Variants in COMMD10 observed in about 807,000 individuals in gnomAD.
COMMD10 encodes COMM domain-containing protein 10.
Under a neutral mutation model 28.9 loss-of-function variants are expected in COMMD10, and 33 were observed. The ratio of observed to expected loss-of-function variants is 1.14; its 90% confidence interval spans 0.87 to 1.53. The LOEUF (loss-of-function observed/expected upper bound fraction) is 1.53. Among genes scored for constraint, COMMD10 ranks in the 40% most tolerant of loss-of-function variants. COMMD10 has a pLI of 0.00. For synonymous variants in COMMD10, 110 were observed against 81.7 expected, an observed-to-expected ratio of 1.35 and a Z score of -1.87; for missense variants, 310 against 233.4, an observed-to-expected ratio of 1.33 and a Z score of -2.14.
intron 5 of COMMD10, among the ~76,000 whole-genome samples, chr5:116,202,426 G>A (rs951956519): frequency 1.4e-4 from 22 of 152,048 alleles, no homozygotes; most frequent in Admixed American, 4.6e-4. Flanking sequence ...GGGTCAAATG[G>A]TATTTCTAGT....
At chr5:116,175,799 T>C (rs573175435) in intron 5 of COMMD10, among the ~76,000 whole-genome samples, 3 of 152,252 alleles carry the variant, frequency 2.0e-5, no homozygotes, top group African/African-American at 7.2e-5. Context: ...TATGATTTTA[T>C]TTTATGAGGT....
chr5:116,234,738 A>T (rs1189440708), intron 5 of COMMD10, among the ~76,000 whole-genome samples: 1 of 152,212 alleles, frequency 6.6e-6, no homozygotes, highest in Non-Finnish European at 1.5e-5. Flanking sequence ...CGTTCTAAAA[A>T]CATCCAATTG....
chr5:116,235,962 T>G (rs952085274), intron 5 of COMMD10, among the ~76,000 whole-genome samples: 4 of 152,178 alleles, frequency 2.6e-5, no homozygotes, highest in African/African-American at 9.6e-5. Flanking sequence ...ATACATACAT[T>G]ATTTGTGCCC....
intron 1 of COMMD10, among the ~76,000 whole-genome samples, chr5:116,087,204 C>T (rs1174460301): frequency 1.1e-4 from 16 of 152,162 alleles, no homozygotes; most frequent in Non-Finnish European, 5.9e-5. Flanking sequence ...AAACGCTCTA[C>T]TAAATTAAGG....
intron 1 of COMMD10, 46 bp downstream of exon 1, chr5:116,085,139 CCAGA>C: frequency 6.3e-7 from 1 of 1,585,570 alleles, no homozygotes; most frequent in East Asian, 2.3e-5. Flanking sequence ...CCAGGAAGGC[CCAGA>C]TCGGGCTCGC....
At chr5:116,177,778 C>T (rs1183694007) in intron 5 of COMMD10, among the ~76,000 whole-genome samples, 2 of 152,142 alleles carry the variant, frequency 1.3e-5, no homozygotes, top group Non-Finnish European at 2.9e-5. Context: ...AAACCTTTCT[C>T]AGTACTAAGT....
intron 4 of COMMD10, among the ~76,000 whole-genome samples, chr5:116,124,843 T>G (rs1321888761): frequency 6.6e-6 from 1 of 152,186 alleles, no homozygotes; most frequent in Non-Finnish European, 1.5e-5. Context: ...TTGTCTCTTT[T>G]GATCTTTGTT....
intron 5 of COMMD10, among the ~76,000 whole-genome samples, chr5:116,157,081 T>C (rs894312308): frequency 6.6e-6 from 1 of 152,160 alleles, no homozygotes; most frequent in African/African-American, 2.4e-5. Flanking sequence ...TTGCCGATTT[T>C]TTGTTGCTAC....
chr5:116,272,514 A>C (rs1323524183), intron 5 of COMMD10, among the ~76,000 whole-genome samples: 1 of 151,846 alleles, frequency 6.6e-6, no homozygotes, highest in Admixed American at 6.6e-5. Context: ...TCAGTAGGCA[A>C]AATGACTTGA....
intron 5 of COMMD10, among the ~76,000 whole-genome samples, chr5:116,265,871 A>AT (rs1750570217): frequency 6.6e-6 from 1 of 151,812 alleles, no homozygotes; most frequent in African/African-American, 2.4e-5. Context: ...GTGCTATACT[A>AT]AAATGAAGAC....
At position 116,199,966 on chromosome 5, in the gene COMMD10, ACT is replaced by A. The variant is rs558072950; in HGVS notation, c.510+65791_510+65792del. On this transcript the variant is annotated intron_variant, in intron 5 of 6. Coordinates refer to ENST00000274458, the MANE Select transcript of COMMD10 (RefSeq NM_016144.4). The stretch of plus-strand genomic sequence containing the variant: ...TCCTCAACACTAAATATTTTACTCT[ACT>A]CTTTTTGTATTTTCAATTTTTGTGG... Among the ~76,000 whole-genome samples, 731 of 151,656 alleles carry A rather than the reference ACT, an allele frequency of 4.8e-3. 11 individuals are homozygous for A. Among genetic ancestry groups the A allele is most frequent in the Non-Finnish European group, 7.3e-3 (497 of 67,912 alleles).
chr5:116,183,582 C>T (rs142227344), intron 5 of COMMD10, among the ~76,000 whole-genome samples: 1 of 151,964 alleles, frequency 6.6e-6, no homozygotes, highest in African/African-American at 2.4e-5. Context: ...AAACTTGTAA[C>T]TTTCTTTGTG....
intron 5 of COMMD10, among the ~76,000 whole-genome samples, chr5:116,221,938 C>T (rs1357661398): frequency 6.6e-6 from 1 of 152,078 alleles, no homozygotes; most frequent in East Asian, 1.9e-4. Context: ...AAAAATCAAG[C>T]CTGTTTTAGC....
At chr5:116,279,370 T>C (rs1396274911) in intron 5 of COMMD10, among the ~76,000 whole-genome samples, 1 of 151,948 alleles carries the variant, frequency 6.6e-6, no homozygotes, top group Non-Finnish European at 1.5e-5. Context: ...GATTTAACAC[T>C]GGGAAAATGC....
rs557106046 is a variant in COMMD10 at position 116,203,497 on chromosome 5, C to T, written c.510+69319C>T. Among the ~76,000 whole-genome samples the T allele has an allele frequency of 2.8e-4, 42 of 152,058 alleles. No individual in the cohort carries two copies. The East Asian group carries it at 7.2e-3, about 26-fold the overall frequency. On this transcript the variant is annotated intron_variant, in intron 5 of 6. Transcript: ENST00000274458. ...GTTAAGGGCAGCCAGAGAGAAAGGTCGGGTTACCCACAAAGGGAAGCCCAT... is the reference window on the plus strand; with the variant it reads ...GTTAAGGGCAGCCAGAGAGAAAGGTTGGGTTACCCACAAAGGGAAGCCCAT...
rs375138835 is a variant in COMMD10, at chr5:116,134,872, C to T, written c.510+694C>T. ...CCCTGACCTTGTGATCCACCCCCCT[C>T]AGCCTCCCAAAGTGCTGGGATTACA... On this transcript the variant is annotated intron_variant, in intron 5 of 6. Transcript: ENST00000274458. Among the ~76,000 whole-genome samples the T allele has an allele frequency of 1.9e-3, 290 of 152,294 alleles. 3 individuals carry two copies. The highest frequency in any genetic ancestry group is 6.6e-3 in the African/African-American group (274 of 41,548).
intron 5 of COMMD10, among the ~76,000 whole-genome samples, chr5:116,257,983 T>C (rs2112682228): frequency 6.6e-6 from 1 of 151,834 alleles, no homozygotes; most frequent in Admixed American, 6.6e-5. Context: ...CTATAATCAT[T>C]TTTGTCCAAT....
At chr5:116,253,990 T>A (rs1280349098) in intron 5 of COMMD10, among the ~76,000 whole-genome samples, 2 of 152,092 alleles carry the variant, frequency 1.3e-5, no homozygotes, top group South Asian at 2.1e-4. Flanking sequence ...TTATTGGTCT[T>A]TTCAGAGATT....
intron 4 of COMMD10, among the ~76,000 whole-genome samples, chr5:116,108,649 A>G (rs1486146603): frequency 6.6e-6 from 1 of 152,216 alleles, no homozygotes; most frequent in African/African-American, 2.4e-5. Context: ...CTGCTGAGCC[A>G]GACCACTTTG....
Sources: allele counts gnomAD v4.1 joint callset (sites outside exome capture counted in the v4.1 genomes callset), GRCh38; gene constraint gnomAD v4.1.1; transcripts MANE v1.5; gene names NCBI Gene and HGNC (gene_info 2026-07-23, HGNC 2026-07-21).